Variants in NCAM2 observed in about 807,000 individuals in gnomAD.
NCAM2 encodes neural cell adhesion molecule 2, also known as N-CAM-2.
A neutral mutation model predicts 98.1 loss-of-function variants in NCAM2; 30 were observed. The ratio of observed to expected loss-of-function variants is 0.31; its 90% CI spans 0.23 to 0.41. NCAM2 has a LOEUF of 0.41. Ranked by LOEUF, NCAM2 falls within the 10% of genes least tolerant of loss-of-function variation. The probability of loss-of-function intolerance (pLI) is 1.00; values close to 1 mark genes in which losing one functional copy is unlikely to be tolerated. For missense variants in NCAM2, 867 were observed against 1,005.8 expected (o/e 0.86, Z 1.87); for synonymous variants, 368 against 342.4 (o/e 1.07, Z -0.83).
At chr21:21,189,029 A>G (rs1472269772) in intron 1 of NCAM2, among the ~76,000 whole-genome samples, 2 of 152,166 alleles carry the variant, frequency 1.3e-5, no homozygotes, top group Admixed American at 6.5e-5. Flanking sequence ...AGCATTCAAC[A>G]GAACACATGT....
At chr21:21,359,815 A>G (rs1013160520) in intron 8 of NCAM2, among the ~76,000 whole-genome samples, 7 of 152,048 alleles carry the variant, frequency 4.6e-5, no homozygotes, top group African/African-American at 1.7e-4. Flanking sequence ...AAGTCTAAAT[A>G]TATCAGTGAA....
intron 1 of NCAM2, among the ~76,000 whole-genome samples, chr21:21,139,050 A>G (rs991449541): frequency 2.6e-5 from 4 of 152,214 alleles, no homozygotes; most frequent in African/African-American, 9.6e-5. Context: ...TTGAAAAAGG[A>G]TCTTCGCTTA....
In NCAM2 at chr21:21,313,361, A is replaced by G. The variant is rs531467760; in HGVS notation, c.620-11022A>G. Among the ~76,000 whole-genome samples, 62 of 151,902 alleles carry G rather than the reference A, an allele frequency of 4.1e-4. No individual in the cohort carries two copies. The South Asian group carries it at 0.013, about 31-fold the overall frequency. ...TTTTGTCTGTCAGATTTTGCTTTAT[A>G]TATTTTGAAGCACTTTTTCAAGTTG... On this transcript the variant is annotated intron_variant, in intron 5 of 17. Transcript: ENST00000400546.
intron 5 of NCAM2, among the ~76,000 whole-genome samples, chr21:21,299,742 G>A (rs1431549794): frequency 6.6e-6 from 1 of 151,684 alleles, no homozygotes; most frequent in Non-Finnish European, 1.5e-5. Context: ...ATAGTACTAG[G>A]TCCACTCTGT....
Position 21,043,911 on chromosome 21 carries a change from A to T in NCAM2, c.55+45293A>T, listed in dbSNP as rs144408887. ...TGTGAATCTTTCTTTGCAAATATTAAAATAATTTAAAAATGTAGATTATGA... is the reference window on the plus strand; with the variant it reads ...TGTGAATCTTTCTTTGCAAATATTATAATAATTTAAAAATGTAGATTATGA... On this transcript the variant is annotated intron_variant, in intron 1 of 17. Transcript: ENST00000400546. Among the ~76,000 whole-genome samples, 217 of 152,058 alleles carry T rather than the reference A, an allele frequency of 1.4e-3. 1 individual carries two copies. The highest frequency in any genetic ancestry group is 4.2e-3 in the African/African-American group (176 of 41,544).
intron 1 of NCAM2, among the ~76,000 whole-genome samples, chr21:21,168,344 C>T (rs1249570247): frequency 6.6e-6 from 1 of 152,078 alleles, no homozygotes; most frequent in African/African-American, 2.4e-5. Context: ...TAACACCATA[C>T]TTGGTGTTAA....
chr21:21,246,098 C>CT (rs1283664715), intron 1 of NCAM2, among the ~76,000 whole-genome samples: 1 of 152,146 alleles, frequency 6.6e-6, no homozygotes, highest in Admixed American at 6.5e-5. Context: ...GGTACTGAGC[C>CT]TTTTCCTCCC....
chr21:21,524,916 G>C (rs1311048405), intron 16 of NCAM2, among the ~76,000 whole-genome samples: 1 of 151,904 alleles, frequency 6.6e-6, no homozygotes, highest in Non-Finnish European at 1.5e-5. Context: ...GTAACACATA[G>C]GTCCAAGAAA....
In NCAM2 at chr21:21,406,250, A is replaced by T. The variant is rs547501001; in HGVS notation, c.1196-4024A>T. Among the ~76,000 whole-genome samples, 5 of 152,300 alleles carry T rather than the reference A, an allele frequency of 3.3e-5. No homozygotes were observed. The South Asian group carries it at 1.0e-3, about 32-fold the overall frequency. On this transcript the variant is annotated intron_variant, in intron 9 of 17. Transcript: ENST00000400546. ...GTACAGCCAATGAGTAGAGTGAGAG[A>T]TGGCAGTGGATGAAAAGTTATTAAG...
intron 1 of NCAM2, among the ~76,000 whole-genome samples, chr21:21,139,393 TTGAAATCTTC>T (rs1303206320): frequency 2.0e-5 from 3 of 152,360 alleles, no homozygotes; most frequent in South Asian, 4.1e-4. Flanking sequence ...GTAATTTAGT[TTGAAATCTTC>T]AGAAAATGAA....
chr21:21,007,764 C>G (rs1241442372), intron 1 of NCAM2, among the ~76,000 whole-genome samples: 2 of 152,152 alleles, frequency 1.3e-5, no homozygotes, highest in Non-Finnish European at 1.5e-5. Flanking sequence ...TCTACTGCAG[C>G]CTGTTTTATC....
intron 1 of NCAM2, among the ~76,000 whole-genome samples, chr21:21,133,128 GCT>G (rs1392492250): frequency 6.6e-6 from 1 of 151,962 alleles, no homozygotes; most frequent in Non-Finnish European, 1.5e-5. Context: ...ACATTCCATT[GCT>G]TTAATTTATT....
At chr21:21,169,031 C>G (rs2068039636) in intron 1 of NCAM2, among the ~76,000 whole-genome samples, 1 of 152,126 alleles carries the variant, frequency 6.6e-6, no homozygotes. Flanking sequence ...CATTATTAGA[C>G]TTTAAGATTT....
intron 5 of NCAM2, among the ~76,000 whole-genome samples, chr21:21,306,448 T>C (rs974380297): frequency 1.3e-5 from 2 of 152,190 alleles, no homozygotes; most frequent in Admixed American, 1.3e-4. Context: ...TTATTCCGGA[T>C]AATATTTGCT....
At chr21:21,459,312 G>A (rs987532015) in intron 12 of NCAM2, among the ~76,000 whole-genome samples, 2 of 151,666 alleles carry the variant, frequency 1.3e-5, no homozygotes, top group African/African-American at 2.4e-5. Context: ...ATTCTCAAGC[G>A]AAATGTGTAC....
chr21:21,473,809 G>C (rs2146246235), intron 14 of NCAM2, among the ~76,000 whole-genome samples: 1 of 150,474 alleles, frequency 6.6e-6, no homozygotes, highest in African/African-American at 2.4e-5. Context: ...CTGTAGAGAT[G>C]ATAGCCAATA....
At chr21:21,243,228 C>A (rs1292634376) in intron 1 of NCAM2, among the ~76,000 whole-genome samples, 2 of 152,012 alleles carry the variant, frequency 1.3e-5, no homozygotes, top group African/African-American at 4.8e-5. Context: ...TTCAGTATTT[C>A]TATTAATAAA....
At position 21,468,363 on chromosome 21, in the gene NCAM2, G is replaced by GA. The variant is rs1301613643; in HGVS notation, c.1775-296dup. ...TGATTTAATACTATTAATAATAAGA[G>GA]AAATAAAGTTTTACATTTGTGCAAT... is the stretch of plus-strand genomic sequence containing the variant. On this transcript the variant is annotated intron_variant, in intron 13 of 17. Transcript: ENST00000400546. 2.0e-5 allele frequency among the ~76,000 whole-genome samples: 3 copies of GA among 151,972 alleles called. No homozygotes were observed. The East Asian group carries it at 5.8e-4, about 29-fold the overall frequency.
At chr21:21,075,730 A>C (rs996016702) in intron 1 of NCAM2, among the ~76,000 whole-genome samples, 1 of 152,184 alleles carries the variant, frequency 6.6e-6, no homozygotes, top group African/African-American at 2.4e-5. Flanking sequence ...TTTATCAAGT[A>C]CATTTATTTC....
Sources: gnomAD v4.1 joint callset for allele counts (sites outside exome capture counted in the v4.1 genomes callset) on GRCh38, gnomAD v4.1.1 for gene constraint, MANE v1.5 for transcripts, NCBI Gene and HGNC (gene_info 2026-07-23, HGNC 2026-07-21) for gene names.